Variants in GAN observed in about 807,000 individuals in gnomAD.
GAN encodes gigaxonin.
In GAN, 48 loss-of-function variants were observed where a neutral mutation model predicts 71.3. The observed-to-expected ratio is 0.67, with a 90% confidence interval of 0.53 to 0.86. GAN has a LOEUF of 0.86. Among genes scored for constraint, GAN ranks in the 40% least tolerant of loss-of-function variants. The pLI is 0.00. For missense variants in GAN, 928 were observed against 770.1 expected (o/e 1.21, Z -2.43); for synonymous variants, 386 against 276.8 (o/e 1.39, Z -3.92).
At chr16:81,357,961 C>T (rs201244562) in intron 5 of GAN, 30 bp downstream of exon 5, 5 of 1,592,624 alleles carry the variant, frequency 3.1e-6, no homozygotes, top group East Asian at 2.2e-5. Context: ...TTTCCTTAAA[C>T]AGCAGATCAA....
intron 4 of GAN, among the ~76,000 whole-genome samples, chr16:81,357,470 T>G (rs1597403165): frequency 6.6e-6 from 1 of 152,230 alleles, no homozygotes; most frequent in Admixed American, 6.5e-5. Context: ...TATTCCATGG[T>G]GTATATGTGC....
intron 9 of GAN, among the ~76,000 whole-genome samples, chr16:81,375,130 A>G (rs1367093604): frequency 6.6e-6 from 1 of 152,104 alleles, no homozygotes; most frequent in East Asian, 1.9e-4. Context: ...AAAATTAAAA[A>G]CTTCTGTTCT....
chr16:81,349,219 T>G (rs929545538), intron 1 of GAN, among the ~76,000 whole-genome samples: 1 of 149,034 alleles, frequency 6.7e-6, no homozygotes, highest in African/African-American at 2.4e-5. Flanking sequence ...TCACCTACCC[T>G]GTACTACCAG....
rs1272255986 is a variant in GAN, at chr16:81,386,329, A to C, written c.*8733A>C. 6.6e-6 allele frequency: 1 copy of C among 152,208 alleles called. No individual in the cohort carries two copies. The highest frequency in any genetic ancestry group is 1.5e-5 in the Non-Finnish European group (1 of 68,050). The allele number at this position is 152,208 out of a possible 1,614,324, so 9.4% of individuals were successfully genotyped here. A position where few individuals can be genotyped will look rare whatever the true frequency, so the allele number is the denominator to read the frequency against. ...GATAATTCCTAGATCTCTGTTTTAGACCAGTAGACCTAACTGTGCTTTCTT... is the reference window on the plus strand; with the variant it reads ...GATAATTCCTAGATCTCTGTTTTAGCCCAGTAGACCTAACTGTGCTTTCTT... On this transcript the variant is annotated 3_prime_UTR_variant, in exon 11 of 11. Transcript: ENST00000648994.
chr16:81,347,912 T>G (rs1407275284), intron 1 of GAN, among the ~76,000 whole-genome samples: 1 of 152,158 alleles, frequency 6.6e-6, no homozygotes, highest in Admixed American at 6.5e-5. Context: ...TAGTCTTATC[T>G]TTTTTGGTTG....
At chr16:81,365,240 G>T in intron 8 of GAN, 110 bp from the exon 9 acceptor site, 1 of 1,568,636 alleles carries the variant, frequency 6.4e-7, no homozygotes, top group Admixed American at 1.7e-5. Flanking sequence ...TCCTGAGAAA[G>T]GAAGGCCCAC....
chr16:81,331,966 C>T (rs1304348550), intron 1 of GAN, among the ~76,000 whole-genome samples: 2 of 151,734 alleles, frequency 1.3e-5, no homozygotes, highest in Admixed American at 1.3e-4. Context: ...AGTTTGAGAC[C>T]AGCCTGACCA....
intron 1 of GAN, among the ~76,000 whole-genome samples, chr16:81,348,760 G>A (rs1456309085): frequency 6.6e-6 from 1 of 152,238 alleles, no homozygotes; most frequent in African/African-American, 2.4e-5. Flanking sequence ...TTTTGCTGTT[G>A]TGTGATCAAA....
Position 81,336,893 on chromosome 16 carries a change from C to T in GAN, c.168-14690C>T, listed in dbSNP as rs142453711. 7.5e-4 allele frequency among the ~76,000 whole-genome samples: 114 copies of T among 152,224 alleles called. 1 individual carries two copies. Among genetic ancestry groups the T allele is most frequent in the Middle Eastern group, 6.8e-3 (2 of 294 alleles). ...CCTCCCCCATTATCAGTATACCACA[C>T]GAGGGTGGTATACATTTGTTACAAT... On this transcript the variant is annotated intron_variant, in intron 1 of 10. Coordinates refer to ENST00000648994, the MANE Select transcript of GAN (RefSeq NM_022041.4).
intron 6 of GAN, 48 bp downstream of exon 6, chr16:81,362,659 T>A: frequency 1.0e-6 from 1 of 989,750 alleles, no homozygotes; most frequent in Non-Finnish European, 1.6e-6. Flanking sequence ...TCTTTCCCCT[T>A]AGCGCTTCTG....
At position 81,383,553 on chromosome 16, in the gene GAN, CT is replaced by C. The variant is rs898860277; in HGVS notation, c.*5970del. 4.5e-3 allele frequency: 650 copies of C among 143,368 alleles called. 1 individual carries two copies. Among genetic ancestry groups the C allele is most frequent in the African/African-American group, 9.7e-3 (381 of 39,428 alleles). The allele number at this position is 143,368 out of a possible 1,614,324, so 8.9% of individuals were successfully genotyped here. ...AGGTGTGAGCCACCTCGCCTGCCCT[CT>C]TTTTTTTTTTTTATTTTGAGATTAA... On this transcript the variant is annotated 3_prime_UTR_variant, in exon 11 of 11. Coordinates refer to ENST00000648994, the MANE Select transcript of GAN (RefSeq NM_022041.4).
chr16:81,382,114 C>T lies in GAN; in HGVS notation c.*4518C>T, dbSNP rs1232493613. 6.6e-6 allele frequency: 1 copy of T among 152,104 alleles called. No homozygotes were observed. The highest frequency in any genetic ancestry group is 1.9e-4 in the East Asian group (1 of 5,190). 9.4% of individuals were successfully genotyped at this position (152,104 alleles called of 1,614,324 possible). ...AGGACATACCCCTTTGATCCTCACA[C>T]CTCTGGAATAGGCAGGGCACTCTCC... On this transcript the variant is annotated 3_prime_UTR_variant, in exon 11 of 11. Coordinates refer to ENST00000648994, the MANE Select transcript of GAN (RefSeq NM_022041.4).
chr16:81,350,718 C>A (rs1281840958), intron 1 of GAN, among the ~76,000 whole-genome samples: 1 of 151,936 alleles, frequency 6.6e-6, no homozygotes, highest in Non-Finnish European at 1.5e-5. Context: ...GGGGTTTCAC[C>A]ATGTTGGCCA....
In GAN at chr16:81,381,504, A is replaced by C. The variant is rs79218148; in HGVS notation, c.*3908A>C. ...GGCTGCTCACTGAGCACTGGAGTCC[A>C]GGAAGTCAGTGAGAAGAGAGCAGCT... On this transcript the variant is annotated 3_prime_UTR_variant, in exon 11 of 11. Coordinates refer to ENST00000648994, the MANE Select transcript of GAN (RefSeq NM_022041.4). 11,015 of 152,266 alleles carry C rather than the reference A, an allele frequency of 0.072. 495 individuals are homozygous for C. Among genetic ancestry groups the C allele is most frequent in the East Asian group, 0.19 (1,007 of 5,176 alleles). 9.4% of individuals were successfully genotyped at this position (152,266 alleles called of 1,614,324 possible). A position where few individuals can be genotyped will look rare whatever the true frequency, so the allele number is the denominator to read the frequency against.
chr16:81,374,784 G>C (rs1296983651), intron 9 of GAN, among the ~76,000 whole-genome samples: 1 of 152,152 alleles, frequency 6.6e-6, no homozygotes, highest in East Asian at 1.9e-4. Flanking sequence ...TCAGCTCTGG[G>C]ATCAAGCACT....
In GAN at chr16:81,385,151, G is replaced by T. The variant is rs969530934; in HGVS notation, c.*7555G>T. On this transcript the variant is annotated 3_prime_UTR_variant, in exon 11 of 11. Coordinates refer to ENST00000648994, the MANE Select transcript of GAN (RefSeq NM_022041.4). ...TTATGCTTGTGCTTTTCAGAGTAAA[G>T]GGCTTGCTTTCAATAGTAGAATGAC... 4.6e-5 allele frequency: 7 copies of T among 152,178 alleles called. No individual in the cohort carries two copies. Among genetic ancestry groups the T allele is most frequent in the Non-Finnish European group, 7.3e-5 (5 of 68,042 alleles). The allele number at this position is 152,178 out of a possible 1,614,324, so 9.4% of individuals were successfully genotyped here. A position where few individuals can be genotyped will look rare whatever the true frequency, so the allele number is the denominator to read the frequency against.
chr16:81,316,554 G>A (rs928925791), intron 1 of GAN, among the ~76,000 whole-genome samples: 3 of 152,220 alleles, frequency 2.0e-5, no homozygotes, highest in African/African-American at 7.2e-5. Flanking sequence ...GATTGCTAAT[G>A]TGACAGACAG....
intron 1 of GAN, among the ~76,000 whole-genome samples, chr16:81,346,520 T>C (rs1436785611): frequency 2.0e-5 from 3 of 152,162 alleles, no homozygotes; most frequent in African/African-American, 7.2e-5. Flanking sequence ...GCGAACCCTA[T>C]TGTGAATTGG....
chr16:81,383,310 T>C lies in GAN; in HGVS notation c.*5714T>C, dbSNP rs1033558138. ...CTCTGTCGCCTAGGCTGGAGTGCAGTGGTGCGATCTCGGCTCACTGCAATC... is the reference window on the plus strand; with the variant it reads ...CTCTGTCGCCTAGGCTGGAGTGCAGCGGTGCGATCTCGGCTCACTGCAATC... On this transcript the variant is annotated 3_prime_UTR_variant, in exon 11 of 11. Transcript: ENST00000648994. 3 of 133,490 alleles carry C rather than the reference T, an allele frequency of 2.2e-5. No homozygotes were observed. The highest frequency in any genetic ancestry group is 3.1e-5 in the Non-Finnish European group (2 of 64,782). The allele number at this position is 133,490 out of a possible 1,614,324, so 8.3% of individuals were successfully genotyped here.
Sources: allele counts gnomAD v4.1 joint callset (sites outside exome capture counted in the v4.1 genomes callset), GRCh38; gene constraint gnomAD v4.1.1; transcripts MANE v1.5; gene names NCBI Gene and HGNC (gene_info 2026-07-23, HGNC 2026-07-21).